The following ARF3 variants were observed in gnomAD, a reference collection of about 807,000 sequenced individuals.
ARF3 encodes the protein ADP-ribosylation factor 3.
In ARF3, 5 loss-of-function variants were observed where a neutral mutation model predicts 19.3. The observed-to-expected ratio is 0.26, with a 90% CI of 0.14 to 0.54. The LOEUF (loss-of-function observed/expected upper bound fraction) is 0.54. Ranked by LOEUF, ARF3 falls within the 20% of genes least tolerant of loss-of-function variation. ARF3 has a pLI of 0.95. For synonymous variants in ARF3, 71 were observed against 89.2 expected (o/e 0.80, Z 1.15); for missense variants, 77 against 234.2 (o/e 0.33, Z 4.38).
In ARF3 at chr12:48,940,937, TG is replaced by T. The variant is rs1940245112; in HGVS notation, c.148+10del. ...CCGGCGTGAAAGCCCACATCCAAGC[TG>T]TGCTCTTACCAATGGTAGGGATGGT... On this transcript the variant is annotated intron_variant, in intron 2 of 4. Coordinates refer to ENST00000256682, the MANE Select transcript of ARF3 (RefSeq NM_001659.3). 6.3e-7 allele frequency: 1 copy of T among 1,588,648 alleles called. No homozygotes were observed. Among genetic ancestry groups the T allele is most frequent in the Non-Finnish European group, 8.6e-7 (1 of 1,165,278 alleles).
Position 48,938,577 on chromosome 12 carries a change from T to TG in ARF3, c.*369dup, listed in dbSNP as rs1250084216. ...GGCAAACAGGGAGTAGAAGGGCTTGTGGGGACAGGGAAAGGACTCAGATGC... is the reference window on the plus strand; with the variant it reads ...GGCAAACAGGGAGTAGAAGGGCTTGTGGGGGACAGGGAAAGGACTCAGATGC... On this transcript the variant is annotated 3_prime_UTR_variant, in exon 5 of 5. Coordinates refer to ENST00000256682, the MANE Select transcript of ARF3 (RefSeq NM_001659.3). 5 of 460,636 alleles carry TG rather than the reference T, an allele frequency of 1.1e-5. No homozygotes were observed. The highest frequency in any genetic ancestry group is 2.2e-5 in the Non-Finnish European group (5 of 230,222). 28.5% of individuals were successfully genotyped at this position (460,636 alleles called of 1,614,324 possible).
chr12:48,939,200 CT>C lies in ARF3; in HGVS notation c.385-93del. On this transcript the variant is annotated intron_variant, in intron 4 of 4. Coordinates refer to ENST00000256682, the MANE Select transcript of ARF3 (RefSeq NM_001659.3). This position sits in a 1 kb window ranked among gnomAD's most constrained non-coding sequence, Gnocchi z 4.8. ...CTACCAAAGAAATGTGTACCAGCACCTTCCCCTCCTCCTTTATTTTAGGAAA... is the reference window on the plus strand; with the variant it reads ...CTACCAAAGAAATGTGTACCAGCACCTCCCCTCCTCCTTTATTTTAGGAAA... 1 of 1,369,810 alleles carries C rather than the reference CT, an allele frequency of 7.3e-7. No homozygotes were observed. Among genetic ancestry groups the C allele is most frequent in the Non-Finnish European group, 9.9e-7 (1 of 1,007,126 alleles). 84.9% of individuals were successfully genotyped at this position (1,369,810 alleles called of 1,614,324 possible).
Position 48,938,803 on chromosome 12 carries a change from G to A in ARF3, c.*144C>T. 1 of 1,030,734 alleles carries A rather than the reference G, an allele frequency of 9.7e-7. No homozygotes were observed. Among genetic ancestry groups the A allele is most frequent in the Non-Finnish European group, 1.4e-6 (1 of 712,248 alleles). The allele number at this position is 1,030,734 out of a possible 1,614,324, so 63.8% of individuals were successfully genotyped here. A position where few individuals can be genotyped will look rare whatever the true frequency, so the allele number is the denominator to read the frequency against. ...GACAGGAAAAAGGAGGGGAGGCAGG[G>A]GAGGCAAGGCTCTTGCTGGGCATGT... is the stretch of plus-strand genomic sequence containing the variant. On this transcript the variant is annotated 3_prime_UTR_variant, in exon 5 of 5. Coordinates refer to ENST00000256682, the MANE Select transcript of ARF3 (RefSeq NM_001659.3).
In ARF3 at chr12:48,937,450, G is replaced by C. The variant is rs934010914; in HGVS notation, c.*1497C>G. 6.6e-6 allele frequency: 1 copy of C among 152,600 alleles called. No homozygotes were observed. Among genetic ancestry groups the C allele is most frequent in the Non-Finnish European group, 1.5e-5 (1 of 68,142 alleles). 9.5% of individuals were successfully genotyped at this position (152,600 alleles called of 1,614,324 possible). A position where few individuals can be genotyped will look rare whatever the true frequency, so the allele number is the denominator to read the frequency against. ...CAGGAACAAGTGCCCCCTGCAGACA[G>C]AGAGACGCAGTAGCAACAGCTTCTG... On this transcript the variant is annotated 3_prime_UTR_variant, in exon 5 of 5. Coordinates refer to ENST00000256682, the MANE Select transcript of ARF3 (RefSeq NM_001659.3).
chr12:48,938,654 C>T lies in ARF3; in HGVS notation c.*293G>A, dbSNP rs1419850474. The T allele has an allele frequency of 2.3e-6, 1 of 434,468 alleles. No homozygotes were observed. The highest frequency in any genetic ancestry group is 4.4e-6 in the Non-Finnish European group (1 of 225,286). The allele number at this position is 434,468 out of a possible 1,614,324, so 26.9% of individuals were successfully genotyped here. A position where few individuals can be genotyped will look rare whatever the true frequency, so the allele number is the denominator to read the frequency against. On this transcript the variant is annotated 3_prime_UTR_variant, in exon 5 of 5. Transcript: ENST00000256682. ...AAAGAGAATACCCCACTCGACCTCC[C>T]GAAACCCAGAGGGTGAGAGAGAGAG...
Position 48,937,007 on chromosome 12 carries a change from C to T in ARF3, c.*1940G>A, listed in dbSNP as rs963009121. 3 of 152,194 alleles carry T rather than the reference C, an allele frequency of 2.0e-5. No individual in the cohort carries two copies. Among genetic ancestry groups the T allele is most frequent in the Admixed American group, 1.3e-4 (2 of 15,264 alleles). 9.4% of individuals were successfully genotyped at this position (152,194 alleles called of 1,614,324 possible). A position where few individuals can be genotyped will look rare whatever the true frequency, so the allele number is the denominator to read the frequency against. On this transcript the variant is annotated 3_prime_UTR_variant, in exon 5 of 5. Transcript: ENST00000256682. ...ACCTCCAACACCCCCCCCACAACCA[C>T]CACACACAAACACACCCACACCCAT...
chr12:48,939,200 C>T lies in ARF3; in HGVS notation c.385-92G>A. On this transcript the variant is annotated intron_variant, in intron 4 of 4. Coordinates refer to ENST00000256682, the MANE Select transcript of ARF3 (RefSeq NM_001659.3). This position sits in a 1 kb window ranked among gnomAD's most constrained non-coding sequence, Gnocchi z 4.8. ...CTACCAAAGAAATGTGTACCAGCAC[C>T]TTCCCCTCCTCCTTTATTTTAGGAA... 7.3e-7 allele frequency: 1 copy of T among 1,369,812 alleles called. No homozygotes were observed. Among genetic ancestry groups the T allele is most frequent in the Non-Finnish European group, 9.9e-7 (1 of 1,007,128 alleles). The allele number at this position is 1,369,812 out of a possible 1,614,324, so 84.9% of individuals were successfully genotyped here.
intron 1 of ARF3, among the ~76,000 whole-genome samples, chr12:48,953,701 A>G (rs375308735): frequency 1.3e-5 from 2 of 152,354 alleles, no homozygotes; most frequent in Non-Finnish European, 2.9e-5. Flanking sequence ...GATCCTTTGC[A>G]TAAGTCCATG....
chr12:48,946,543 C>T (rs1341555298), intron 1 of ARF3, among the ~76,000 whole-genome samples: 1 of 152,206 alleles, frequency 6.6e-6, no homozygotes, highest in East Asian at 1.9e-4. Context: ...AAGATATCTG[C>T]AGGTTCTGTT....
rs1428412355 is a variant in ARF3 at position 48,939,965 on chromosome 12, A to G, written c.259+32T>C. 3 of 1,604,260 alleles carry G rather than the reference A, an allele frequency of 1.9e-6. No individual in the cohort carries two copies. Among genetic ancestry groups the G allele is most frequent in the Middle Eastern group, 1.7e-4 (1 of 6,052 alleles). ...AAAGACAGCCACACTCTCTGCTCATACCCAACCAACCCACGCTAGGCCTGA... is the reference window on the plus strand; with the variant it reads ...AAAGACAGCCACACTCTCTGCTCATGCCCAACCAACCCACGCTAGGCCTGA... On this transcript the variant is annotated intron_variant, in intron 3 of 4. Coordinates refer to ENST00000256682, the MANE Select transcript of ARF3 (RefSeq NM_001659.3). This position sits in a 1 kb window ranked among gnomAD's most constrained non-coding sequence, Gnocchi z 4.8.
chr12:48,951,117 A>G (rs866720467), intron 1 of ARF3, among the ~76,000 whole-genome samples: 4 of 152,184 alleles, frequency 2.6e-5, no homozygotes, highest in Admixed American at 6.5e-5. Context: ...ATGTCTTGCT[A>G]TATGATTTAA....
chr12:48,939,163 T>C lies in ARF3; in HGVS notation c.385-55A>G, dbSNP rs75763298. On this transcript the variant is annotated intron_variant, in intron 4 of 4. Transcript: ENST00000256682. The surrounding 1 kb of genome is among the most constrained non-coding windows in gnomAD (Gnocchi z 4.8). ...AGCCTCAGGATTTTTTAAAGGCTTCTAGAACACCCATCTACCAAAGAAATG... is the reference window on the plus strand; with the variant it reads ...AGCCTCAGGATTTTTTAAAGGCTTCCAGAACACCCATCTACCAAAGAAATG... 2.7e-3 allele frequency: 4,306 copies of C among 1,568,494 alleles called. 151 individuals carry two copies. In the East Asian group the frequency reaches 0.078, roughly 28 times the overall value.
chr12:48,950,569 G>A (rs749277809), intron 1 of ARF3, among the ~76,000 whole-genome samples: 10 of 152,024 alleles, frequency 6.6e-5, no homozygotes, highest in South Asian at 2.1e-4. Flanking sequence ...ATTCAGTAGC[G>A]TTAAGTACAT....
At chr12:48,940,311 G>A (rs1238421467) in intron 2 of ARF3, among the ~76,000 whole-genome samples, 1 of 152,234 alleles carries the variant, frequency 6.6e-6, no homozygotes, top group Admixed American at 6.5e-5. Flanking sequence ...CAAAGAGGAT[G>A]AGGAAGTTGG....
intron 1 of ARF3, among the ~76,000 whole-genome samples, chr12:48,950,587 G>A (rs1046513031): frequency 6.6e-6 from 1 of 152,042 alleles, no homozygotes; most frequent in African/African-American, 2.4e-5. Flanking sequence ...CATTCACACT[G>A]TAGTGTAACT....
chr12:48,950,126 C>T (rs1270452800), intron 1 of ARF3, among the ~76,000 whole-genome samples: 3 of 152,164 alleles, frequency 2.0e-5, no homozygotes, highest in Non-Finnish European at 4.4e-5. Context: ...CCTCATGGTG[C>T]GCTACAGCCT....
intron 1 of ARF3, chr12:48,955,554 A>G (rs182447776): frequency 2.0e-5 from 3 of 152,328 alleles, no homozygotes; most frequent in Non-Finnish European, 2.9e-5. Context: ...TACAAAGGCT[A>G]AGGGTCTTTG....
rs1338305692 is a variant in ARF3 at position 48,937,007 on chromosome 12, CCA to C, written c.*1938_*1939del. On this transcript the variant is annotated 3_prime_UTR_variant, in exon 5 of 5. Transcript: ENST00000256682. ...ACCTCCAACACCCCCCCCACAACCA[CCA>C]CACACAAACACACCCACACCCATAT... 6.6e-6 allele frequency: 1 copy of C among 152,194 alleles called. No individual in the cohort carries two copies. The highest frequency in any genetic ancestry group is 1.5e-5 in the Non-Finnish European group (1 of 68,056). The allele number at this position is 152,194 out of a possible 1,614,324, so 9.4% of individuals were successfully genotyped here.
Position 48,939,896 on chromosome 12 carries a change from G to GC in ARF3, c.259+100dup. 1 of 1,587,692 alleles carries GC rather than the reference G, an allele frequency of 6.3e-7. No individual in the cohort carries two copies. Among genetic ancestry groups the GC allele is most frequent in the Non-Finnish European group, 8.6e-7 (1 of 1,157,648 alleles). On this transcript the variant is annotated intron_variant, in intron 3 of 4. Transcript: ENST00000256682. This position sits in a 1 kb window ranked among gnomAD's most constrained non-coding sequence, Gnocchi z 4.8. Reference sequence around the variant, plus strand: ...TTGCTCCCTTTCCTCCCTTTCTTCTGCCCCCAGGAGCTGCAGCAGGGTAAC... The same window carrying GC: ...TTGCTCCCTTTCCTCCCTTTCTTCTGCCCCCCAGGAGCTGCAGCAGGGTAAC...
Sources: allele counts gnomAD v4.1 joint callset (sites outside exome capture counted in the v4.1 genomes callset), GRCh38; gene constraint gnomAD v4.1.1; non-coding constraint Gnocchi (gnomAD v3.1); transcripts MANE v1.5; gene names NCBI Gene and HGNC (gene_info 2026-07-23, HGNC 2026-07-21).